SLC4A5: variants seen among roughly 807,000 people sequenced by gnomAD.
SLC4A5 encodes the protein solute carrier family 4 member 5.
Under a neutral mutation model 120.4 loss-of-function variants are expected in SLC4A5, and 96 were observed. The observed-to-expected ratio is 0.80, with a 90% CI of 0.68 to 0.94. The LOEUF (loss-of-function observed/expected upper bound fraction) is 0.94, where lower values mean the gene tolerates loss of function less well. Ranked by LOEUF, SLC4A5 falls within the 40% of genes least tolerant of loss-of-function variation. The pLI is 0.00. For missense variants in SLC4A5, 1,259 were observed against 1,459.5 expected, an observed-to-expected ratio of 0.86 and a Z score of 2.24; for synonymous variants, 550 against 571.1, an observed-to-expected ratio of 0.96 and a Z score of 0.53.
chr2:74,306,088 T>C (rs190684470), intron 6 of SLC4A5, among the ~76,000 whole-genome samples: 10 of 152,326 alleles, frequency 6.6e-5, no homozygotes, highest in Admixed American at 4.6e-4. Flanking sequence ...AGAGTTGGAA[T>C]TGACAGAGCA....
intron 7 of SLC4A5, among the ~76,000 whole-genome samples, chr2:74,291,202 T>A (rs949770633): frequency 4.6e-5 from 7 of 152,364 alleles, no homozygotes; most frequent in African/African-American, 1.7e-4. Context: ...GGCAGGTGTT[T>A]TCTGAGAGCC....
chr2:74,221,866 G>A (rs978883061), intron 29 of SLC4A5, among the ~76,000 whole-genome samples: 9 of 152,250 alleles, frequency 5.9e-5, no homozygotes, highest in South Asian at 4.1e-4. Flanking sequence ...TTAGAAGCAC[G>A]GGGCTCGGGA....
intron 7 of SLC4A5, among the ~76,000 whole-genome samples, chr2:74,301,549 G>A (rs1349646186): frequency 6.6e-6 from 1 of 152,246 alleles, no homozygotes; most frequent in Non-Finnish European, 1.5e-5. Flanking sequence ...CACTCAGAGA[G>A]GAAAAACATA....
chr2:74,223,007 C>CTT lies in SLC4A5; in HGVS notation c.3247-57_3247-56dup, dbSNP rs1238005058. The CTT allele has an allele frequency of 3.2e-3, 2,973 of 915,296 alleles. 13 individuals are homozygous for CTT. The highest frequency in any genetic ancestry group is 0.019 in the African/African-American group (1,039 of 55,822). 56.7% of individuals were successfully genotyped at this position (915,296 alleles called of 1,614,324 possible). On this transcript the variant is annotated intron_variant, in intron 28 of 30. Coordinates refer to ENST00000394019, the Ensembl canonical transcript of SLC4A5. The stretch of plus-strand genomic sequence containing the variant: ...AACACCAACACAACAATTTGGCTTT[C>CTT]TTTTTTTTTTTTTTTGAGACAGAGT...
At position 74,253,198 on chromosome 2, in the gene SLC4A5, T is replaced by A. The variant is rs992559751; in HGVS notation, c.1114-70A>T. ...CTGAAATGCCTGGGAGCATATCACA[T>A]CTAGTTTTTAAAGGAATCCCTTTGA... On this transcript the variant is annotated intron_variant, in intron 14 of 30. Coordinates refer to ENST00000394019, the Ensembl canonical transcript of SLC4A5. 37 of 1,567,860 alleles carry A rather than the reference T, an allele frequency of 2.4e-5. No homozygotes were observed. In the South Asian group the frequency reaches 4.3e-4, roughly 18 times the overall value.
rs1373424976 is a variant in SLC4A5, at chr2:74,255,325, C to T, written c.1025+450G>A. Among the ~76,000 whole-genome samples, 2 of 152,114 alleles carry T rather than the reference C, an allele frequency of 1.3e-5. No homozygotes were observed. Among genetic ancestry groups the T allele is most frequent in the Admixed American group, 6.5e-5 (1 of 15,276 alleles). On this transcript the variant is annotated intron_variant, in intron 13 of 30. Coordinates refer to ENST00000394019, the Ensembl canonical transcript of SLC4A5. The surrounding 1 kb of genome is among the most constrained non-coding windows in gnomAD (Gnocchi z 4.0). ...ATTTTTTTTCTGAGACGCAGTCTTG[C>T]TCTGTTGCCCAGGCTGGGGTGCAAT...
chr2:74,222,074 C>A (rs1214709473), intron 29 of SLC4A5, among the ~76,000 whole-genome samples: 2 of 152,156 alleles, frequency 1.3e-5, no homozygotes, highest in Non-Finnish European at 2.9e-5. Flanking sequence ...AGGATTCACA[C>A]AGAGGCACAG....
intron 6 of SLC4A5, among the ~76,000 whole-genome samples, chr2:74,305,222 T>C (rs886251328): frequency 1.3e-5 from 2 of 152,218 alleles, no homozygotes; most frequent in African/African-American, 4.8e-5. Context: ...ATCCCACTAA[T>C]AAGCCTGATT....
intron 18 of SLC4A5, 138 bp downstream of exon 18, chr2:74,248,215 G>C (rs1670679397): frequency 8.3e-7 from 1 of 1,203,144 alleles, no homozygotes; most frequent in Admixed American, 2.3e-5. Context: ...GGGCCACCTG[G>C]TAGCCCTTCC....
rs926637432 is a variant in SLC4A5, at chr2:74,252,886, C to A, written c.1268+88G>T. ...TACAGGCATGAGCCACTATGCTGAG[C>A]CTCAGATGTATTTTAAAGAGAAATA... On this transcript the variant is annotated intron_variant, in intron 15 of 30. Coordinates refer to ENST00000394019, the Ensembl canonical transcript of SLC4A5. The A allele has an allele frequency of 1.7e-5, 25 of 1,477,196 alleles. No homozygotes were observed. The African/African-American group carries it at 2.9e-4, about 17-fold the overall frequency. 91.5% of individuals were successfully genotyped at this position (1,477,196 alleles called of 1,614,324 possible).
chr2:74,268,577 T>C (rs1244924784), intron 8 of SLC4A5, among the ~76,000 whole-genome samples: 1 of 152,246 alleles, frequency 6.6e-6, no homozygotes, highest in Non-Finnish European at 1.5e-5. Flanking sequence ...GGTTGGAACA[T>C]CCTTGGTTCC....
chr2:74,259,446 A>G, intron 12 of SLC4A5, 142 bp downstream of exon 12: 1 of 950,248 alleles, frequency 1.1e-6, no homozygotes, highest in Non-Finnish European at 1.7e-6. Flanking sequence ...CAGGCAGCCC[A>G]GAGTCCCCAC....
Position 74,287,649 on chromosome 2 carries a change from TA to T in SLC4A5, c.272-1748del, listed in dbSNP as rs1672025070. On this transcript the variant is annotated intron_variant, in intron 7 of 30. Coordinates refer to ENST00000394019, the Ensembl canonical transcript of SLC4A5. Reference sequence around the variant, plus strand: ...TCACTGTGTCCCTCAAGGCTGTCCCTAACCTTTGCTCCTCTCTTCAAGCTTC... The same window carrying T: ...TCACTGTGTCCCTCAAGGCTGTCCCTACCTTTGCTCCTCTCTTCAAGCTTC... 2.0e-5 allele frequency among the ~76,000 whole-genome samples: 3 copies of T among 152,188 alleles called. No homozygotes were observed. In the South Asian group the frequency reaches 6.2e-4, roughly 31 times the overall value.
intron 27 of SLC4A5, among the ~76,000 whole-genome samples, chr2:74,225,521 G>A (rs566989058): frequency 6.6e-6 from 1 of 152,256 alleles, no homozygotes; most frequent in African/African-American, 2.4e-5. Flanking sequence ...GCTAGAAACC[G>A]GGAGGCGGAG....
chr2:74,320,083 A>C (rs1297694783), intron 5 of SLC4A5, among the ~76,000 whole-genome samples: 1 of 152,204 alleles, frequency 6.6e-6, no homozygotes, highest in Non-Finnish European at 1.5e-5. Flanking sequence ...AATTTGAAGG[A>C]GTATATCAGA....
intron 6 of SLC4A5, among the ~76,000 whole-genome samples, chr2:74,305,253 T>C (rs1443534713): frequency 1.3e-5 from 2 of 152,200 alleles, no homozygotes; most frequent in African/African-American, 2.4e-5. Flanking sequence ...CCCAGGGTAA[T>C]GGGCAAAGCA....
chr2:74,277,574 T>A (rs1258571986), intron 8 of SLC4A5, among the ~76,000 whole-genome samples: 2 of 151,554 alleles, frequency 1.3e-5, no homozygotes, highest in East Asian at 1.9e-4. Flanking sequence ...AAAAAAAAAA[T>A]AAAGTACTGT....
intron 7 of SLC4A5, among the ~76,000 whole-genome samples, chr2:74,294,578 T>C (rs1299222631): frequency 2.0e-5 from 3 of 151,976 alleles, no homozygotes; most frequent in East Asian, 3.9e-4. Flanking sequence ...CCTAATGATA[T>C]CAGTAGGAAG....
intron 8 of SLC4A5, among the ~76,000 whole-genome samples, chr2:74,277,100 G>C (rs1013867044): frequency 6.6e-6 from 1 of 152,138 alleles, no homozygotes; most frequent in Non-Finnish European, 1.5e-5. Context: ...TAGCCTGAGT[G>C]GGCTTCTGTT....
Sources: allele counts gnomAD v4.1 joint callset (sites outside exome capture counted in the v4.1 genomes callset), GRCh38; gene constraint gnomAD v4.1.1; non-coding constraint Gnocchi (gnomAD v3.1); transcripts MANE v1.5; gene names NCBI Gene and HGNC (gene_info 2026-07-23, HGNC 2026-07-21).